NRDE2: variants seen among roughly 807,000 people sequenced by gnomAD.
NRDE2 encodes the protein NRDE-2, necessary for RNA interference, domain containing.
Under a neutral mutation model 124.2 loss-of-function variants are expected in NRDE2, and 76 were observed. The observed-to-expected ratio is 0.61, with a 90% CI of 0.51 to 0.74. NRDE2 has a LOEUF of 0.74. Among genes scored for constraint, NRDE2 ranks in the 30% least tolerant of loss-of-function variants. The pLI is 0.00. For synonymous variants in NRDE2, 489 were observed against 528.1 expected, an observed-to-expected ratio of 0.93 and a Z score of 1.01; for missense variants, 1,314 against 1,417.3, an observed-to-expected ratio of 0.93 and a Z score of 1.17.
At chr14:90,301,514 T>C in intron 6 of NRDE2, 142 bp from the exon 7 acceptor site, 1 of 717,896 alleles carries the variant, frequency 1.4e-6, no homozygotes, top group Admixed American at 2.6e-5. Flanking sequence ...GTGATACATG[T>C]CTTGATTTAA....
chr14:90,304,451 A>AT, intron 4 of NRDE2, 69 bp from the exon 5 acceptor site: 1 of 1,176,014 alleles, frequency 8.5e-7, no homozygotes. Context: ...CTAAAGGCGC[A>AT]TTAGACCTAA....
At chr14:90,285,027 C>T (rs1892061882) in intron 12 of NRDE2, among the ~76,000 whole-genome samples, 2 of 151,980 alleles carry the variant, frequency 1.3e-5, no homozygotes, top group South Asian at 4.2e-4. Flanking sequence ...ACCTGTAATC[C>T]CAGCACTTTC....
At position 90,304,104 on chromosome 14, in the gene NRDE2, G is replaced by A. The variant is rs370760181; in HGVS notation, c.836C>T (p.Thr279Ile). 1.9e-6 allele frequency: 3 copies of A among 1,614,088 alleles called. No homozygotes were observed. Among genetic ancestry groups the A allele is most frequent in the Non-Finnish European group, 2.5e-6 (3 of 1,180,056 alleles). Residue 279 changes from threonine to isoleucine, a missense_variant, in exon 5 of 14, where the codon ACC becomes ATC. Coordinates refer to ENST00000354366, the MANE Select transcript of NRDE2 (RefSeq NM_017970.4). ...LNPLGIYDQS[T>I]THWLQGQGPP... is the part of the protein sequence containing the mutation. ...ACCCTGTCCTTGTAGCCAATGTGTG[G>A]TTGACTGATCATAAATCCCCAGAGG...
intron 10 of NRDE2, among the ~76,000 whole-genome samples, chr14:90,289,966 C>T (rs767728734): frequency 1.3e-5 from 2 of 152,126 alleles, no homozygotes; most frequent in Admixed American, 6.5e-5. Flanking sequence ...CATGTAAGGA[C>T]GGGGACCTGG....
At chr14:90,298,182 CA>C in intron 8 of NRDE2, 77 bp downstream of exon 8, 2 of 1,444,504 alleles carry the variant, frequency 1.4e-6, no homozygotes, top group South Asian at 2.3e-5. Flanking sequence ...ATAGCTTAAG[CA>C]GATAAATAAT....
rs937479611 is a variant in NRDE2, at chr14:90,331,857, G to A, written c.48C>T (p.Gly16=). 6 of 1,613,934 alleles carry A rather than the reference G, an allele frequency of 3.7e-6. No homozygotes were observed. The highest frequency in any genetic ancestry group is 1.3e-5 in the African/African-American group (1 of 74,918). Residue 16 remains glycine (G), a synonymous_variant, in exon 1 of 14, where the codon GGC becomes GGT. Coordinates refer to ENST00000354366, the MANE Select transcript of NRDE2 (RefSeq NM_017970.4). ...AFAGLSEAPD[G]GSSRKELDWL... is the part of the protein sequence containing the mutation. ...TGTGCTTACCTTTCCTGGAGCTCCC[G>A]CCATCGGGAGCCTCACTAAGCCCCG...
intron 1 of NRDE2, among the ~76,000 whole-genome samples, chr14:90,319,875 A>G (rs184681631): frequency 6.6e-5 from 10 of 152,340 alleles, no homozygotes; most frequent in Admixed American, 4.6e-4. Context: ...ATGGTAACTC[A>G]TATTTAACAT....
intron 12 of NRDE2, chr14:90,280,125 T>C (rs548272618): frequency 6.6e-6 from 1 of 152,128 alleles, no homozygotes; most frequent in Admixed American, 6.6e-5. Flanking sequence ...TTGGTTTTTT[T>C]GGTTTTTTTT....
At chr14:90,304,623 T>G (rs991974015) in intron 4 of NRDE2, 28 of 464,170 alleles carry the variant, frequency 6.0e-5, no homozygotes, top group African/African-American at 4.8e-4. Flanking sequence ...GAATTTAAGA[T>G]CATGCCTGTC....
In NRDE2 at chr14:90,301,325, C is replaced by T; in HGVS notation, c.1459G>A (p.Glu487Lys). 1 of 1,613,810 alleles carries T rather than the reference C, an allele frequency of 6.2e-7. No homozygotes were observed. Among genetic ancestry groups the T allele is most frequent in the Non-Finnish European group, 8.5e-7 (1 of 1,179,886 alleles). Residue 487 changes from glutamate (E) to lysine (K), a missense_variant, in exon 7 of 14, where the codon GAG becomes AAG. By Grantham distance (56) the Glu-to-Lys change is moderately conservative (BLOSUM62 1). Coordinates refer to ENST00000354366, the MANE Select transcript of NRDE2 (RefSeq NM_017970.4). ...CHFLRQAGHS[E>K]KAISLFQAMV... The stretch of plus-strand genomic sequence containing the variant: ...GCCTGGAACAATGAGATGGCCTTCT[C>T]AGAGTGGCCAGCCTGCCGCAGAAAG...
At chr14:90,320,289 G>A (rs1400164713) in intron 1 of NRDE2, among the ~76,000 whole-genome samples, 4 of 152,244 alleles carry the variant, frequency 2.6e-5, no homozygotes, top group Non-Finnish European at 5.9e-5. Context: ...AATCATGGTG[G>A]AAGGTGAAGA....
chr14:90,308,647 C>T (rs1209174728), intron 4 of NRDE2, among the ~76,000 whole-genome samples: 3 of 152,212 alleles, frequency 2.0e-5, no homozygotes, highest in Non-Finnish European at 4.4e-5. Flanking sequence ...TCAATGTTCT[C>T]GGCGTGTCAG....
At chr14:90,302,639 C>A in intron 6 of NRDE2, 81 bp downstream of exon 6, 1 of 1,355,656 alleles carries the variant, frequency 7.4e-7, no homozygotes, top group Non-Finnish European at 1.0e-6. Flanking sequence ...TAGAATAAAT[C>A]AAAAATAGAT....
chr14:90,314,143 T>TC lies in NRDE2; in HGVS notation c.408-1601dup, dbSNP rs570606809. Among the ~76,000 whole-genome samples the TC allele has an allele frequency of 2.4e-3, 362 of 152,298 alleles. 2 individuals carry two copies. The highest frequency in any genetic ancestry group is 8.4e-3 in the African/African-American group (348 of 41,556). On this transcript the variant is annotated intron_variant, in intron 3 of 13. Coordinates refer to ENST00000354366, the MANE Select transcript of NRDE2 (RefSeq NM_017970.4). ...GGCTGTGTGCAAGGAAGGAGCTGCC[T>TC]CCACCTGAAGGTGAGGGAAAGCTCA...
chr14:90,272,836 G>A lies in NRDE2; in HGVS notation c.*5500C>T, dbSNP rs61989986. ...CACTACCACAGAGCCAGGGATATTC[G>A]TTGTTTAAATAATAAAGGCTGCGTT... is the stretch of plus-strand genomic sequence containing the variant. On this transcript the variant is annotated 3_prime_UTR_variant, in exon 14 of 14. Transcript: ENST00000354366. The surrounding 1 kb of genome is among the most constrained non-coding windows in gnomAD (Gnocchi z 4.5). 38,493 of 153,836 alleles carry A rather than the reference G, an allele frequency of 0.25. 5,476 individuals are homozygous for A. Among genetic ancestry groups the A allele is most frequent in the Middle Eastern group, 0.41 (124 of 300 alleles). The allele number at this position is 153,836 out of a possible 1,614,324, so 9.5% of individuals were successfully genotyped here. A position where few individuals can be genotyped will look rare whatever the true frequency, so the allele number is the denominator to read the frequency against.
intron 8 of NRDE2, among the ~76,000 whole-genome samples, chr14:90,296,234 G>A (rs1450493054): frequency 6.6e-6 from 1 of 152,214 alleles, no homozygotes; most frequent in Non-Finnish European, 1.5e-5. Context: ...TCAGAGAGGA[G>A]AGTTACTAAT....
At chr14:90,283,123 C>T (rs1892001610) in intron 12 of NRDE2, among the ~76,000 whole-genome samples, 1 of 152,182 alleles carries the variant, frequency 6.6e-6, no homozygotes, top group Admixed American at 6.5e-5. Flanking sequence ...CACTCGCTAC[C>T]TTCACCTTGC....
At chr14:90,313,384 C>A (rs1448661756) in intron 3 of NRDE2, among the ~76,000 whole-genome samples, 2 of 152,086 alleles carry the variant, frequency 1.3e-5, no homozygotes. Flanking sequence ...CCTCGGCCTG[C>A]CAAAGTGCTG....
rs1360453178 is a variant in NRDE2, at chr14:90,273,805, A to C, written c.*4531T>G. Reference sequence around the variant, plus strand: ...AGCTGAGGCCTTTGCCAGTCTGTGAAGGCCACCCTCCCTCCTGACTCGTGG... The same window carrying C: ...AGCTGAGGCCTTTGCCAGTCTGTGACGGCCACCCTCCCTCCTGACTCGTGG... On this transcript the variant is annotated 3_prime_UTR_variant, in exon 14 of 14. Transcript: ENST00000354366. The C allele has an allele frequency of 6.5e-6, 1 of 154,568 alleles. No homozygotes were observed. Among genetic ancestry groups the C allele is most frequent in the East Asian group, 2.0e-4 (1 of 5,058 alleles). The allele number at this position is 154,568 out of a possible 1,614,324, so 9.6% of individuals were successfully genotyped here.
Sources: allele counts gnomAD v4.1 joint callset (sites outside exome capture counted in the v4.1 genomes callset), GRCh38; gene constraint gnomAD v4.1.1; non-coding constraint Gnocchi (gnomAD v3.1); transcripts MANE v1.5; gene names NCBI Gene and HGNC (gene_info 2026-07-23, HGNC 2026-07-21).